The following KCNMA1 variants were observed in gnomAD, a reference collection of about 807,000 sequenced individuals.
KCNMA1 encodes potassium calcium-activated channel subfamily M alpha 1.
KCNMA1 carries 29 observed loss-of-function variants against 140.0 expected under a neutral mutation model. The observed-to-expected ratio is 0.21, with a 90% confidence interval of 0.15 to 0.28. The LOEUF (loss-of-function observed/expected upper bound fraction) is 0.28. Ranked by LOEUF, KCNMA1 falls within the 10% of genes least tolerant of loss-of-function variation. KCNMA1 has a pLI of 1.00. For missense variants in KCNMA1, 880 were observed against 1,602.2 expected, an observed-to-expected ratio of 0.55 and a Z score of 7.70; for synonymous variants, 612 against 611.9, an observed-to-expected ratio of 1.00 and a Z score of 0.00.
intron 1 of KCNMA1, among the ~76,000 whole-genome samples, chr10:77,543,678 C>T (rs1049847561): frequency 1.3e-5 from 2 of 152,092 alleles, no homozygotes; most frequent in African/African-American, 4.8e-5. Flanking sequence ...TTTAGATTGT[C>T]GAGTAAACTA....
chr10:77,129,011 G>A (rs774891927), intron 5 of KCNMA1, among the ~76,000 whole-genome samples: 6 of 152,194 alleles, frequency 3.9e-5, no homozygotes, highest in Non-Finnish European at 8.8e-5. Flanking sequence ...GCAATCACCC[G>A]AGGATTTTAA....
At chr10:77,035,707 G>T (rs956941249) in intron 15 of KCNMA1, among the ~76,000 whole-genome samples, 1 of 152,174 alleles carries the variant, frequency 6.6e-6, no homozygotes, top group Non-Finnish European at 1.5e-5. Flanking sequence ...ATATAACTTG[G>T]ATACACATAT....
At chr10:77,602,793 G>A (rs7070171) in intron 1 of KCNMA1, among the ~76,000 whole-genome samples, 61 of 152,238 alleles carry the variant, frequency 4.0e-4, no homozygotes, top group African/African-American at 1.4e-3. Flanking sequence ...CATCCCTCCC[G>A]TGGATTTCGG....
intron 18 of KCNMA1, among the ~76,000 whole-genome samples, chr10:77,005,225 T>G (rs1436049901): frequency 6.6e-6 from 1 of 152,192 alleles, no homozygotes; most frequent in African/African-American, 2.4e-5. Flanking sequence ...TCTCTGAGAA[T>G]TGAAATATAT....
intron 14 of KCNMA1, among the ~76,000 whole-genome samples, chr10:77,045,983 T>C (rs983997900): frequency 4.6e-5 from 7 of 152,198 alleles, no homozygotes; most frequent in African/African-American, 1.7e-4. Flanking sequence ...TACATTATAT[T>C]ATGCACATCA....
chr10:77,203,507 C>T (rs556170919), intron 3 of KCNMA1, among the ~76,000 whole-genome samples: 24 of 152,116 alleles, frequency 1.6e-4, no homozygotes, highest in Admixed American at 1.4e-3. Flanking sequence ...TCTGTTGTGG[C>T]GCTCATCACT....
intron 2 of KCNMA1, among the ~76,000 whole-genome samples, chr10:77,255,299 C>A (rs138544988): frequency 6.6e-6 from 1 of 151,692 alleles, no homozygotes; most frequent in Non-Finnish European, 1.5e-5. Flanking sequence ...CACACATACA[C>A]GGTGTATTTT....
chr10:77,040,524 T>C (rs2247743), intron 14 of KCNMA1, among the ~76,000 whole-genome samples: 124,041 of 152,124 alleles, frequency 0.82, 50,668 homozygotes, highest in Middle Eastern at 0.85. Flanking sequence ...TATAAAATAG[T>C]GTACATAATC....
chr10:76,931,577 T>C (rs58880107), intron 23 of KCNMA1, among the ~76,000 whole-genome samples: 2,114 of 149,856 alleles, frequency 0.014, 42 homozygotes, highest in African/African-American at 0.049. Context: ...CTAGGTGGAG[T>C]AGCATGGGTC....
At chr10:77,592,609 G>C (rs1001288668) in intron 1 of KCNMA1, among the ~76,000 whole-genome samples, 1 of 152,196 alleles carries the variant, frequency 6.6e-6, no homozygotes, top group East Asian at 1.9e-4. Flanking sequence ...TCCTTAAATA[G>C]AGAAGTGACA....
rs56359933 is a variant in KCNMA1 at position 77,000,857 on chromosome 10, AATATATAT to A, written c.2266+542_2266+549del. The stretch of plus-strand genomic sequence containing the variant: ...GGTTAGAGAGACATAGTAAAAAGAA[AATATATAT>A]ATATATATATATATATATATATATA... On this transcript the variant is annotated intron_variant, in intron 19 of 27. Transcript: ENST00000286628. Among the ~76,000 whole-genome samples, 108 of 36,646 alleles carry A rather than the reference AATATATAT, an allele frequency of 2.9e-3. 1 individual carries two copies. Among genetic ancestry groups the A allele is most frequent in the Middle Eastern group, 0.027 (2 of 74 alleles). 24.0% of individuals were successfully genotyped at this position (36,646 alleles called of 152,430 possible). A position where few individuals can be genotyped will look rare whatever the true frequency, so the allele number is the denominator to read the frequency against.
chr10:77,423,813 A>G (rs2096919623), intron 1 of KCNMA1, among the ~76,000 whole-genome samples: 1 of 152,188 alleles, frequency 6.6e-6, no homozygotes, highest in Non-Finnish European at 1.5e-5. Flanking sequence ...TTGAAAAATG[A>G]GAGAGGGGTC....
chr10:76,986,404 G>A (rs1203828115), intron 19 of KCNMA1, among the ~76,000 whole-genome samples: 2 of 152,202 alleles, frequency 1.3e-5, no homozygotes, highest in Non-Finnish European at 2.9e-5. Flanking sequence ...CTTTGAGAAC[G>A]AAGTGTCTCC....
rs536812165 is a variant in KCNMA1, at chr10:77,438,506, T to A, written c.379-34483A>T. Among the ~76,000 whole-genome samples the A allele has an allele frequency of 2.0e-5, 3 of 150,086 alleles. No individual in the cohort carries two copies. In the South Asian group the frequency reaches 6.3e-4, roughly 32 times the overall value. ...TGAACCTGGGAGGCAGAGGCTGCAG[T>A]GAGCCGAGATTGTGTCATTGCACTC... On this transcript the variant is annotated intron_variant, in intron 1 of 27. Transcript: ENST00000286628.
intron 25 of KCNMA1, chr10:76,904,500 C>T (rs2046967052): frequency 6.6e-6 from 1 of 152,082 alleles, no homozygotes; most frequent in Non-Finnish European, 1.5e-5. Flanking sequence ...TTTCTCTTAA[C>T]ACTGTTATAA....
intron 2 of KCNMA1, among the ~76,000 whole-genome samples, chr10:77,298,333 C>T (rs1348946183): frequency 6.6e-6 from 1 of 151,488 alleles, no homozygotes; most frequent in Non-Finnish European, 1.5e-5. Flanking sequence ...ACCTCCACCT[C>T]CTGGGCTCAA....
At chr10:77,025,172 C>G (rs1359562687) in intron 16 of KCNMA1, among the ~76,000 whole-genome samples, 2 of 144,536 alleles carry the variant, frequency 1.4e-5, no homozygotes, top group Non-Finnish European at 3.0e-5. Context: ...CCAAAAGAAC[C>G]AACAAATCAA....
chr10:77,392,190 T>G (rs977799621), intron 2 of KCNMA1, among the ~76,000 whole-genome samples: 288 of 16,606 alleles, frequency 0.017, no homozygotes, highest in Middle Eastern at 0.062. Context: ...GTGGGGGAGG[T>G]GGGAGGGGGC....
At chr10:77,370,170 CT>C (rs1439478068) in intron 2 of KCNMA1, among the ~76,000 whole-genome samples, 1 of 152,164 alleles carries the variant, frequency 6.6e-6, no homozygotes, top group Non-Finnish European at 1.5e-5. Context: ...CCAAATTCTT[CT>C]GCTTTGGATG....
Sources: allele counts gnomAD v4.1 joint callset (sites outside exome capture counted in the v4.1 genomes callset), GRCh38; gene constraint gnomAD v4.1.1; transcripts MANE v1.5; gene names NCBI Gene and HGNC (gene_info 2026-07-23, HGNC 2026-07-21).